Variants in LRRC7 observed in about 807,000 individuals in gnomAD.
The protein encoded by LRRC7 is leucine rich repeat containing 7.
Under a neutral mutation model 175.7 loss-of-function variants are expected in LRRC7, and 23 were observed. The observed-to-expected ratio is 0.13, with a 90% confidence interval of 0.09 to 0.19. The LOEUF is 0.19. Among genes scored for constraint, LRRC7 ranks in the 10% least tolerant of loss-of-function variants. The pLI is 1.00. For synonymous variants in LRRC7, 685 were observed against 680.9 expected (o/e 1.01, Z -0.09); for missense variants, 1,354 against 1,904.7 (o/e 0.71, Z 5.38).
chr1:69,904,845 C>G (rs1253423683), intron 7 of LRRC7, among the ~76,000 whole-genome samples: 1 of 152,066 alleles, frequency 6.6e-6, no homozygotes, highest in Non-Finnish European at 1.5e-5. Flanking sequence ...CTTGAGTAGG[C>G]CCTGGCGTCT....
intron 8 of LRRC7, among the ~76,000 whole-genome samples, chr1:69,979,779 A>C (rs1003920760): frequency 2.0e-5 from 3 of 152,064 alleles, no homozygotes; most frequent in African/African-American, 7.2e-5. Context: ...TTTAAAAGTC[A>C]ATGGGGCTTA....
chr1:69,751,154 G>T (rs1385355764), intron 2 of LRRC7, among the ~76,000 whole-genome samples: 4 of 150,026 alleles, frequency 2.7e-5, no homozygotes, highest in Admixed American at 6.6e-5. Flanking sequence ...TCTAATATTT[G>T]CTTTTATAGC....
intron 1 of LRRC7, among the ~76,000 whole-genome samples, chr1:69,661,911 C>A (rs1657530219): frequency 6.6e-6 from 1 of 152,130 alleles, no homozygotes; most frequent in Admixed American, 6.5e-5. Flanking sequence ...TCCCTCCACA[C>A]ACATTTTTTA....
In LRRC7 at chr1:70,143,721, A is replaced by C. The variant is rs1667178519; in HGVS notation, c.*21834A>C. On this transcript the variant is annotated 3_prime_UTR_variant, in exon 27 of 27. Coordinates refer to ENST00000651989, the MANE Select transcript of LRRC7 (RefSeq NM_001370785.2). ...CAATTCAAAACAAATTGCTTACTTT[A>C]ATAATACAATTTTACCATTTTATAA... 6.6e-6 allele frequency: 1 copy of C among 152,132 alleles called. No individual in the cohort carries two copies. The highest frequency in any genetic ancestry group is 2.4e-5 in the African/African-American group (1 of 41,452). The allele number at this position is 152,132 out of a possible 1,614,324, so 9.4% of individuals were successfully genotyped here.
chr1:70,049,264 G>C (rs1207236898), intron 22 of LRRC7, among the ~76,000 whole-genome samples: 2 of 152,062 alleles, frequency 1.3e-5, no homozygotes, highest in East Asian at 3.8e-4. Flanking sequence ...TTGAGTTAGA[G>C]AAATTTAGAT....
At chr1:69,665,599 A>G (rs1458946726) in intron 1 of LRRC7, among the ~76,000 whole-genome samples, 1 of 151,976 alleles carries the variant, frequency 6.6e-6, no homozygotes, top group African/African-American at 2.4e-5. Flanking sequence ...GAATGGGATT[A>G]CTTTATTTAA....
intron 7 of LRRC7, among the ~76,000 whole-genome samples, chr1:69,845,032 T>C (rs1682185349): frequency 6.6e-6 from 1 of 152,084 alleles, no homozygotes; most frequent in Admixed American, 6.6e-5. Context: ...GGAGAATCAC[T>C]TGAGCCCAGG....
intron 11 of LRRC7, among the ~76,000 whole-genome samples, chr1:70,010,093 G>GT (rs1359876477): frequency 2.0e-5 from 3 of 152,072 alleles, no homozygotes; most frequent in Non-Finnish European, 4.4e-5. Flanking sequence ...AATCTGCTTT[G>GT]TTTTTTGAGC....
chr1:69,855,771 G>C (rs1053202203), intron 7 of LRRC7, among the ~76,000 whole-genome samples: 1 of 152,118 alleles, frequency 6.6e-6, no homozygotes, highest in African/African-American at 2.4e-5. Context: ...AAGTCTCTTT[G>C]TAGTTCTCTA....
rs535532334 is a variant in LRRC7 at position 70,021,067 on chromosome 1, A to G, written c.1483A>G (p.Met495Val). The change falls in exon 16 of 27, where the codon ATG becomes GTG. Residue 495 changes from methionine (M) to valine (V), a missense_variant. Physicochemically the swap from Met to Val is conservative, Grantham distance 21. Coordinates refer to ENST00000651989, the MANE Select transcript of LRRC7 (RefSeq NM_001370785.2). ...GTGGGAAGAGCAGAGACAACAACGC[A>G]TGACTGTTGCCTTTGAATTTGAAGA... ...TLWEEQRQQR[M>V]TVAFEFEDKK... is the part of the protein sequence containing the mutation. 6.2e-6 allele frequency: 10 copies of G among 1,612,816 alleles called. No individual in the cohort carries two copies. Among genetic ancestry groups the G allele is most frequent in the South Asian group, 2.2e-5 (2 of 91,048 alleles).
intron 7 of LRRC7, among the ~76,000 whole-genome samples, chr1:69,913,767 C>T (rs1646605406): frequency 6.6e-6 from 1 of 152,138 alleles, no homozygotes; most frequent in Non-Finnish European, 1.5e-5. Flanking sequence ...CCCACCTCGG[C>T]CTCCCAAAGT....
Position 69,717,936 on chromosome 1 carries a change from GAA to G in LRRC7, c.100+39460_100+39461del, listed in dbSNP as rs1553145968. On this transcript the variant is annotated intron_variant, in intron 2 of 26. Coordinates refer to ENST00000651989, the MANE Select transcript of LRRC7 (RefSeq NM_001370785.2). ...GAAAGAGAGAAAAAAAGAAAAGAAA[GAA>G]AGAAAGAAAGAAAGAAAGAAGAAAA... 2.7e-5 allele frequency among the ~76,000 whole-genome samples: 2 copies of G among 72,780 alleles called. 1 individual carries two copies. The highest frequency in any genetic ancestry group is 5.3e-5 in the Non-Finnish European group (2 of 38,040). 47.7% of individuals were successfully genotyped at this position (72,780 alleles called of 152,430 possible).
chr1:70,046,585 A>G (rs756462199), intron 22 of LRRC7, among the ~76,000 whole-genome samples: 84 of 152,258 alleles, frequency 5.5e-4, no homozygotes, highest in Middle Eastern at 3.4e-3. Flanking sequence ...CATTACTCCA[A>G]AAGATTTTAT....
intron 1 of LRRC7, chr1:69,608,443 T>G (rs1648006745): frequency 6.6e-6 from 1 of 152,064 alleles, no homozygotes; most frequent in Non-Finnish European, 1.5e-5. Flanking sequence ...TAGAATTGTC[T>G]GCTGTAGTTG....
intron 3 of LRRC7, among the ~76,000 whole-genome samples, chr1:69,771,817 C>G (rs908997128): frequency 6.6e-6 from 1 of 152,010 alleles, no homozygotes; most frequent in African/African-American, 2.4e-5. Flanking sequence ...ATGGCAAACG[C>G]CATTATGAAA....
chr1:70,128,340 A>G lies in LRRC7; in HGVS notation c.*6453A>G, dbSNP rs1666529923. 6.6e-6 allele frequency among the ~76,000 whole-genome samples: 1 copy of G among 152,188 alleles called. No homozygotes were observed. The highest frequency in any genetic ancestry group is 2.4e-5 in the African/African-American group (1 of 41,442). ...GAAAGAAAGTTAAATGAATCACCCAATCTTTCTCTAGTTTTGAAAGTGTAT... is the reference window on the plus strand; with the variant it reads ...GAAAGAAAGTTAAATGAATCACCCAGTCTTTCTCTAGTTTTGAAAGTGTAT... On this transcript the variant is annotated 3_prime_UTR_variant, in exon 27 of 27. Transcript: ENST00000651989.
chr1:69,711,032 G>C (rs1664692268), intron 2 of LRRC7, among the ~76,000 whole-genome samples: 1 of 152,210 alleles, frequency 6.6e-6, no homozygotes, highest in Admixed American at 6.5e-5. Flanking sequence ...AGTGTTGAGT[G>C]TATGGCCTCA....
At chr1:69,910,324 C>T (rs1646482988) in intron 7 of LRRC7, among the ~76,000 whole-genome samples, 1 of 152,156 alleles carries the variant, frequency 6.6e-6, no homozygotes, top group African/African-American at 2.4e-5. Flanking sequence ...GCTTTATCTA[C>T]TTTTGGTCTT....
chr1:69,570,130 C>T (rs537479171), intron 1 of LRRC7, among the ~76,000 whole-genome samples: 1 of 151,982 alleles, frequency 6.6e-6, no homozygotes, highest in East Asian at 1.9e-4. Context: ...CTAACCTAGG[C>T]GAAATTTCTA....
Sources: allele counts gnomAD v4.1 joint callset (sites outside exome capture counted in the v4.1 genomes callset), GRCh38; gene constraint gnomAD v4.1.1; transcripts MANE v1.5; gene names NCBI Gene and HGNC (gene_info 2026-07-23, HGNC 2026-07-21).